Variants in OTOGL observed in about 807,000 individuals in gnomAD.
The protein encoded by OTOGL is otogelin like.
OTOGL carries 285 observed loss-of-function variants against 318.5 expected under a neutral mutation model. The observed-to-expected ratio is 0.89, with a 90% CI of 0.81 to 0.99. The LOEUF is 0.99. OTOGL is among the 50% of genes least tolerant of loss of function. The pLI, the probability that OTOGL is intolerant of heterozygous loss-of-function variation, is 0.00. For synonymous variants in OTOGL, 987 were observed against 936.5 expected (o/e 1.05, Z -0.99); for missense variants, 2,899 against 2,845.6 (o/e 1.02, Z -0.43).
At chr12:80,356,366 C>A (rs756629416) in intron 47 of OTOGL, 50 bp from the exon 48 acceptor site, 16 of 1,405,362 alleles carry the variant, frequency 1.1e-5, no homozygotes, top group Middle Eastern at 3.8e-4. Flanking sequence ...TTTGAGTTGG[C>A]AGATTTTAGT....
chr12:80,239,081 A>G, intron 10 of OTOGL, 103 bp downstream of exon 10: 2 of 1,281,006 alleles, frequency 1.6e-6, no homozygotes, highest in Non-Finnish European at 2.0e-6. Flanking sequence ...ACATAATTTA[A>G]AAATATTATA....
At chr12:80,236,086 C>T (rs1054924486) in intron 9 of OTOGL, among the ~76,000 whole-genome samples, 1 of 152,134 alleles carries the variant, frequency 6.6e-6, no homozygotes, top group East Asian at 1.9e-4. Context: ...ATTAAAATTG[C>T]ATTTCTCTCT....
intron 1 of OTOGL, among the ~76,000 whole-genome samples, chr12:80,144,887 A>T (rs1229316050): frequency 6.6e-6 from 1 of 151,452 alleles, no homozygotes; most frequent in African/African-American, 2.4e-5. Context: ...TCCTTCACCC[A>T]CTTTTTGATG....
At chr12:80,285,734 CTT>C (rs1278541626) in intron 26 of OTOGL, among the ~76,000 whole-genome samples, 2 of 152,154 alleles carry the variant, frequency 1.3e-5, no homozygotes, top group Non-Finnish European at 1.5e-5. Flanking sequence ...CATCCTGAGA[CTT>C]TGCTGAAGTT....
intron 1 of OTOGL, among the ~76,000 whole-genome samples, chr12:80,168,270 T>G (rs1391958221): frequency 1.3e-5 from 2 of 152,150 alleles, no homozygotes; most frequent in Non-Finnish European, 2.9e-5. Context: ...AAGGAGAAAG[T>G]TCCTCCACTA....
chr12:80,137,097 C>T (rs901946388), intron 1 of OTOGL, among the ~76,000 whole-genome samples: 22 of 152,116 alleles, frequency 1.4e-4, no homozygotes, highest in African/African-American at 4.8e-4. Flanking sequence ...ATTTTCCTCT[C>T]CAACAACAAG....
At chr12:80,117,253 G>T (rs1870222882) in intron 1 of OTOGL, among the ~76,000 whole-genome samples, 1 of 87,668 alleles carries the variant, frequency 1.1e-5, no homozygotes, top group Non-Finnish European at 2.3e-5. Context: ...GCTATCTCTG[G>T]GTGACTTAAA....
chr12:80,259,568 C>T (rs1414515927), intron 18 of OTOGL, among the ~76,000 whole-genome samples: 2 of 151,770 alleles, frequency 1.3e-5, no homozygotes, highest in Admixed American at 6.6e-5. Context: ...GTGTGTGATA[C>T]TCCCCTCTCT....
intron 1 of OTOGL, among the ~76,000 whole-genome samples, chr12:80,107,885 G>C (rs1185862250): frequency 1.3e-5 from 2 of 152,086 alleles, no homozygotes; most frequent in African/African-American, 4.8e-5. Context: ...TTATAAATGG[G>C]AGCTAAGTAA....
At chr12:80,289,808 C>T (rs746293349) in intron 26 of OTOGL, among the ~76,000 whole-genome samples, 14 of 152,188 alleles carry the variant, frequency 9.2e-5, no homozygotes, top group Middle Eastern at 3.2e-3. Flanking sequence ...GAATTTCAAG[C>T]CAGTGGTTCT....
chr12:80,181,931 A>G (rs1299027149), intron 1 of OTOGL, among the ~76,000 whole-genome samples: 1 of 152,150 alleles, frequency 6.6e-6, no homozygotes, highest in Non-Finnish European at 1.5e-5. Flanking sequence ...TGGGAGGCTG[A>G]GGCAGGAGCA....
Position 80,176,541 on chromosome 12 carries a change from AT to A in OTOGL, c.-19-32865del, listed in dbSNP as rs1208901000. ...TTTTTTGTCTTTTTTCACTCAATAT[AT>A]TTTTTTGAGATCTATTCATATCCTT... On this transcript the variant is annotated intron_variant, in intron 1 of 58. Coordinates refer to ENST00000547103, the MANE Select transcript of OTOGL (RefSeq NM_001378609.3). 5.9e-5 allele frequency among the ~76,000 whole-genome samples: 9 copies of A among 151,976 alleles called. No individual in the cohort carries two copies. In the East Asian group the frequency reaches 1.5e-3, roughly 26 times the overall value.
At chr12:80,315,635 C>T (rs939729687) in intron 32 of OTOGL, among the ~76,000 whole-genome samples, 1 of 152,136 alleles carries the variant, frequency 6.6e-6, no homozygotes, top group Admixed American at 6.5e-5. Flanking sequence ...CTTGGCCAAG[C>T]AACCAATCTG....
Position 80,312,138 on chromosome 12 carries a change from T to C in OTOGL, c.3451-1338T>C, listed in dbSNP as rs958656803. ...AAATGATATTTTTTGAGTTTTGATA[T>C]AGTGTCAAAGAATATCACAATTACC... On this transcript the variant is annotated intron_variant, in intron 30 of 58. Transcript: ENST00000547103. Among the ~76,000 whole-genome samples, 135 of 152,354 alleles carry C rather than the reference T, an allele frequency of 8.9e-4. 1 individual carries two copies. Among genetic ancestry groups the C allele is most frequent in the African/African-American group, 3.0e-3 (124 of 41,570 alleles).
intron 1 of OTOGL, among the ~76,000 whole-genome samples, chr12:80,145,889 G>C (rs530207596): frequency 1.1e-3 from 165 of 151,714 alleles, no homozygotes; most frequent in Middle Eastern, 0.01. Flanking sequence ...GAATGCTTGT[G>C]ATTTTTGTAC....
At chr12:80,148,789 T>C (rs1054772629) in intron 1 of OTOGL, among the ~76,000 whole-genome samples, 8 of 152,216 alleles carry the variant, frequency 5.3e-5, no homozygotes, top group Non-Finnish European at 8.8e-5. Context: ...CCCTTCTCAC[T>C]TCATTTCATT....
intron 6 of OTOGL, among the ~76,000 whole-genome samples, chr12:80,220,892 G>T (rs535195561): frequency 6.6e-6 from 1 of 152,078 alleles, no homozygotes; most frequent in East Asian, 1.9e-4. Flanking sequence ...CAGAGGTGGG[G>T]CATACTGTCA....
In OTOGL at chr12:80,270,014, C is replaced by T. The variant is rs1883282311; in HGVS notation, c.2466-88C>T. The T allele has an allele frequency of 3.1e-5, 34 of 1,084,608 alleles. No individual in the cohort carries two copies. The South Asian group carries it at 4.7e-4, about 15-fold the overall frequency. The allele number at this position is 1,084,608 out of a possible 1,614,324, so 67.2% of individuals were successfully genotyped here. A position where few individuals can be genotyped will look rare whatever the true frequency, so the allele number is the denominator to read the frequency against. On this transcript the variant is annotated intron_variant, in intron 22 of 58. Coordinates refer to ENST00000547103, the MANE Select transcript of OTOGL (RefSeq NM_001378609.3). ...ATTTGTATAATGTACTCAATCAATT[C>T]TTGTACGTTAGATTGTTGTCGAAAT... is the stretch of plus-strand genomic sequence containing the variant.
At chr12:80,211,218 CATT>C (rs1181607223) in intron 3 of OTOGL, among the ~76,000 whole-genome samples, 14 of 151,702 alleles carry the variant, frequency 9.2e-5, no homozygotes, top group Non-Finnish European at 2.9e-5. Flanking sequence ...TTATCCTTTA[CATT>C]ATTATTAATA....
Sources: allele counts gnomAD v4.1 joint callset (sites outside exome capture counted in the v4.1 genomes callset), GRCh38; gene constraint gnomAD v4.1.1; transcripts MANE v1.5; gene names NCBI Gene and HGNC (gene_info 2026-07-23, HGNC 2026-07-21).